The following ZNF573 variants were observed in gnomAD, a reference collection of about 807,000 sequenced individuals.
ZNF573 encodes zinc finger protein 573.
A neutral mutation model predicts 57.4 loss-of-function variants in ZNF573; 41 were observed. The ratio of observed to expected loss-of-function variants is 0.71; its 90% CI spans 0.56 to 0.93. The LOEUF (loss-of-function observed/expected upper bound fraction) is 0.93. Among genes scored for constraint, ZNF573 ranks in the 40% least tolerant of loss-of-function variants. The probability of loss-of-function intolerance (pLI) is 0.00; values close to 1 mark genes in which losing one functional copy is unlikely to be tolerated. For synonymous variants in ZNF573, 249 were observed against 261.0 expected, an observed-to-expected ratio of 0.95 and a Z score of 0.44; for missense variants, 730 against 794.8, an observed-to-expected ratio of 0.92 and a Z score of 0.98.
intron 4 of ZNF573, among the ~76,000 whole-genome samples, chr19:37,744,126 G>GA (rs568871659): frequency 2.0e-4 from 29 of 144,568 alleles, no homozygotes; most frequent in South Asian, 4.4e-4. Flanking sequence ...TAGAAGAAAG[G>GA]AAAAAAAAAA....
chr19:37,757,284 C>A (rs922018849), intron 4 of ZNF573, among the ~76,000 whole-genome samples: 2 of 152,130 alleles, frequency 1.3e-5, no homozygotes, highest in African/African-American at 4.8e-5. Flanking sequence ...GCGACCTCCA[C>A]CTCCTGGGTT....
At chr19:37,741,563 G>A (rs182442388) in intron 4 of ZNF573, among the ~76,000 whole-genome samples, 5 of 152,014 alleles carry the variant, frequency 3.3e-5, no homozygotes, top group Admixed American at 1.3e-4. Flanking sequence ...CACATAAACC[G>A]GACCAAAGAC....
chr19:37,759,212 ATG>A (rs1160679209), intron 4 of ZNF573: 8 of 559,462 alleles, frequency 1.4e-5, no homozygotes, highest in African/African-American at 2.0e-5. Flanking sequence ...TTATAGAATT[ATG>A]TGTTATACAA....
chr19:37,738,628 C>G lies in ZNF573; in HGVS notation c.1862G>C (p.Arg621Pro). ...ECKECGKAFS[R>P]ASNLVQHERI... ...CTCATGTTGAACAAGGTTTGAAGCA[C>G]GACTGAAGGCCTTCCCACATTCTTT... is the stretch of plus-strand genomic sequence containing the variant. Residue 621 changes from arginine (R) to proline (P), a missense_variant, in exon 5 of 5, where the codon CGT becomes CCT. By Grantham distance (103) the Arg-to-Pro change is moderately radical. Transcript: ENST00000536220. 1 of 1,611,832 alleles carries G rather than the reference C, an allele frequency of 6.2e-7. No individual in the cohort carries two copies. The highest frequency in any genetic ancestry group is 8.5e-7 in the Non-Finnish European group (1 of 1,178,932).
intron 4 of ZNF573, among the ~76,000 whole-genome samples, chr19:37,754,611 T>G (rs554905517): frequency 6.6e-6 from 1 of 151,560 alleles, no homozygotes; most frequent in Non-Finnish European, 1.5e-5. Context: ...AAAGTCTCTA[T>G]TAAATGGCTT....
At chr19:37,770,408 T>C (rs2045644193) in intron 3 of ZNF573, 1 of 230,922 alleles carries the variant, frequency 4.3e-6, no homozygotes, top group Non-Finnish European at 8.4e-6. Context: ...TCTACCAACC[T>C]TGTGACTTTG....
intron 4 of ZNF573, among the ~76,000 whole-genome samples, chr19:37,744,190 T>G (rs967651995): frequency 6.6e-6 from 1 of 151,740 alleles, no homozygotes; most frequent in Non-Finnish European, 1.5e-5. Flanking sequence ...TTTATAACTC[T>G]CATCATGAGG....
chr19:37,771,489 G>C (rs1231543986), intron 3 of ZNF573, 75 bp downstream of exon 3: 1 of 1,499,028 alleles, frequency 6.7e-7, no homozygotes, highest in Non-Finnish European at 9.0e-7. Flanking sequence ...TTGAAATATG[G>C]CCTTGAAATT....
chr19:37,779,013 G>A (rs1256360781), intron 1 of ZNF573, among the ~76,000 whole-genome samples: 2 of 152,162 alleles, frequency 1.3e-5, no homozygotes, highest in African/African-American at 4.8e-5. Context: ...ACTTGATGTA[G>A]AGTTCAGTAT....
chr19:37,772,996 T>A, intron 2 of ZNF573: 1 of 980,448 alleles, frequency 1.0e-6, no homozygotes. Flanking sequence ...GAAATCAACA[T>A]ATTTACTCCT....
chr19:37,774,316 T>C (rs2045688075), intron 1 of ZNF573, among the ~76,000 whole-genome samples: 1 of 151,930 alleles, frequency 6.6e-6, no homozygotes, highest in Admixed American at 6.6e-5. Context: ...TTTTTTTGTA[T>C]TTTTAGTAGA....
chr19:37,751,749 A>G (rs1205864733), intron 4 of ZNF573, among the ~76,000 whole-genome samples: 1 of 118,202 alleles, frequency 8.5e-6, no homozygotes, highest in Admixed American at 9.2e-5. Context: ...AGTACATAGT[A>G]CCGTATATAC....
intron 1 of ZNF573, chr19:37,778,534 T>C (rs1404748968): frequency 6.6e-6 from 1 of 151,760 alleles, no homozygotes; most frequent in Non-Finnish European, 1.5e-5. Context: ...TTCAGCTCAA[T>C]GGCTCCCAAC....
intron 4 of ZNF573, among the ~76,000 whole-genome samples, chr19:37,754,615 A>G (rs1364708818): frequency 6.6e-6 from 1 of 151,458 alleles, no homozygotes. Flanking sequence ...TCTCTATTAA[A>G]TGGCTTTTGC....
At chr19:37,761,795 G>C (rs777720580) in intron 4 of ZNF573, among the ~76,000 whole-genome samples, 71 of 152,140 alleles carry the variant, frequency 4.7e-4, no homozygotes, top group Non-Finnish European at 7.8e-4. Flanking sequence ...CATAAAAATA[G>C]GTAATTTCCC....
Position 37,739,383 on chromosome 19 carries a change from CAAAGT to C in ZNF573, c.1102_1106del (p.Thr368ValfsTer2). 2 of 1,613,780 alleles carry C rather than the reference CAAAGT, an allele frequency of 1.2e-6. No individual in the cohort carries two copies. Among genetic ancestry groups the C allele is most frequent in the Non-Finnish European group, 1.7e-6 (2 of 1,179,942 alleles). ...TCTGATGCCGAGTAAGATTTCTATA[CAAAGT>C]AAAGGTTTTCTTACACTCCTTACAT... On this transcript the variant is annotated frameshift_variant, in exon 5 of 5. Transcript: ENST00000536220. LOFTEE classifies it high-confidence loss of function.
Position 37,739,837 on chromosome 19 carries a change from T to G in ZNF573, c.653A>C (p.Tyr218Ser), listed in dbSNP as rs765360351. Residue 218 changes from tyrosine to serine, a missense_variant, in exon 5 of 5, where the codon TAT (tyrosine) becomes TCT (serine). Transcript: ENST00000536220. ...HQRFHTGEKT[Y>S]ECRQCGKAFI... ...GGCCTTCCCACACTGCCTACATTCA[T>G]AGGTTTTCTCACCAGTATGAAATCT... The G allele has an allele frequency of 1.9e-6, 3 of 1,614,058 alleles. No homozygotes were observed. Among genetic ancestry groups the G allele is most frequent in the East Asian group, 4.5e-5 (2 of 44,884 alleles).
At position 37,759,350 on chromosome 19, in the gene ZNF573, G is replaced by A. The variant is rs539981184; in HGVS notation, c.295+10655C>T. On this transcript the variant is annotated intron_variant, in intron 4 of 4. Coordinates refer to ENST00000536220, the MANE Select transcript of ZNF573 (RefSeq NM_001172690.2). Reference sequence around the variant, plus strand: ...CCTGAAGTTTAACTGTAACTCAAAAGTTTATAAACATTTAATAAAATACAA... The same window carrying A: ...CCTGAAGTTTAACTGTAACTCAAAAATTTATAAACATTTAATAAAATACAA... Among the ~76,000 whole-genome samples, 12 of 152,144 alleles carry A rather than the reference G, an allele frequency of 7.9e-5. No individual in the cohort carries two copies. The East Asian group carries it at 2.3e-3, about 29-fold the overall frequency.
intron 3 of ZNF573, 74 bp from the exon 4 acceptor site, chr19:37,770,171 A>C: frequency 1.7e-6 from 2 of 1,188,188 alleles, no homozygotes; most frequent in Non-Finnish European, 2.3e-6. Context: ...CTTTGATTAA[A>C]TTTACAATGA....
Sources: allele counts gnomAD v4.1 joint callset (sites outside exome capture counted in the v4.1 genomes callset), GRCh38; gene constraint gnomAD v4.1.1; transcripts MANE v1.5; gene names NCBI Gene and HGNC (gene_info 2026-07-23, HGNC 2026-07-21).